Variants in KHDRBS2 observed in about 807,000 individuals in gnomAD.
The protein encoded by KHDRBS2 is KH domain-containing, RNA-binding, signal transduction-associated protein 2.
A neutral mutation model predicts 44.3 loss-of-function variants in KHDRBS2; 26 were observed. The observed-to-expected ratio is 0.59, with a 90% CI of 0.43 to 0.81. The LOEUF (loss-of-function observed/expected upper bound fraction) is 0.81. Among genes scored for constraint, KHDRBS2 ranks in the 40% least tolerant of loss-of-function variants. The pLI is 0.00. For synonymous variants in KHDRBS2, 194 were observed against 151.1 expected (o/e 1.28, Z -2.08); for missense variants, 476 against 433.1 (o/e 1.10, Z -0.88).
At chr6:61,754,565 C>CTT (rs201477122) in intron 6 of KHDRBS2, among the ~76,000 whole-genome samples, 39 of 133,204 alleles carry the variant, frequency 2.9e-4, no homozygotes, top group East Asian at 6.5e-4. Context: ...ATGTTTTATG[C>CTT]TTTTTTTTTT....
At chr6:62,192,490 C>A (rs916646605) in intron 1 of KHDRBS2, among the ~76,000 whole-genome samples, 2 of 152,098 alleles carry the variant, frequency 1.3e-5, no homozygotes, top group African/African-American at 4.8e-5. Flanking sequence ...AAATGGCATT[C>A]ACCATTTAGA....
At chr6:61,675,594 G>A (rs553322879), downstream of KHDRBS2, among the ~76,000 whole-genome samples, 1 of 151,624 alleles carries the variant, frequency 6.6e-6, no homozygotes, top group Non-Finnish European at 1.5e-5. Context: ...ATATTACATA[G>A]TGACCTCAGG....
chr6:61,901,536 T>C (rs1003775997), intron 4 of KHDRBS2, among the ~76,000 whole-genome samples, 165 bp from the exon 5 acceptor site: 3 of 152,174 alleles, frequency 2.0e-5, no homozygotes, highest in Admixed American at 6.5e-5. Context: ...AAAGTGTATA[T>C]ACTTTAAATT....
At chr6:62,259,785 T>C (rs1838031500) in intron 1 of KHDRBS2, among the ~76,000 whole-genome samples, 1 of 151,998 alleles carries the variant, frequency 6.6e-6, no homozygotes, top group Non-Finnish European at 1.5e-5. Flanking sequence ...CATTGCCACT[T>C]AGCCCTAAAA....
intron 3 of KHDRBS2, among the ~76,000 whole-genome samples, chr6:61,995,765 G>GA (rs71765103): frequency 2.0e-4 from 30 of 150,698 alleles, no homozygotes; most frequent in Middle Eastern, 3.4e-3. Flanking sequence ...ATGTTTCAGA[G>GA]AAAAAAAAAT....
the KHDRBS2 span, among the ~76,000 whole-genome samples, chr6:61,604,188 T>C: frequency 6.6e-6 from 1 of 152,184 alleles, no homozygotes; most frequent in African/African-American, 2.4e-5. Flanking sequence ...TACCTCACTA[T>C]ACAAGGGTCA....
intron 3 of KHDRBS2, among the ~76,000 whole-genome samples, chr6:61,981,450 TA>T (rs34415421): frequency 0.83 from 124,323 of 149,108 alleles, 52,024 homozygotes; most frequent in East Asian, 0.93. Flanking sequence ...TCCTCTCACT[TA>T]AAAAAAAAAA....
intron 2 of KHDRBS2, among the ~76,000 whole-genome samples, chr6:62,116,730 A>G (rs1320460430): frequency 6.6e-6 from 1 of 152,168 alleles, no homozygotes; most frequent in Admixed American, 6.5e-5. Context: ...ATATATATGT[A>G]TAAATGCCAG....
intron 6 of KHDRBS2, among the ~76,000 whole-genome samples, chr6:61,847,906 T>A: frequency 7.5e-6 from 1 of 132,948 alleles, no homozygotes; most frequent in Admixed American, 7.3e-5. Context: ...GACTTTAAAA[T>A]GATTTTTTCT....
intron 2 of KHDRBS2, among the ~76,000 whole-genome samples, chr6:62,165,665 G>A (rs1818535707): frequency 6.6e-6 from 1 of 151,724 alleles, no homozygotes. Context: ...AAAATAGACA[G>A]CATAAAATTT....
At chr6:62,109,670 A>G (rs1188447841) in intron 2 of KHDRBS2, among the ~76,000 whole-genome samples, 1 of 151,944 alleles carries the variant, frequency 6.6e-6, no homozygotes, top group African/African-American at 2.4e-5. Context: ...CAGTTACAAT[A>G]GCATCTAAAA....
At chr6:62,038,308 T>A (rs562435758) in intron 3 of KHDRBS2, among the ~76,000 whole-genome samples, 1 of 148,190 alleles carries the variant, frequency 6.7e-6, no homozygotes, top group Non-Finnish European at 1.5e-5. Context: ...TTCATTAGAT[T>A]GAGAAGCTGC....
At position 61,774,972 on chromosome 6, in the gene KHDRBS2, C is replaced by A. The variant is rs182070834; in HGVS notation, c.811-42208G>T. 9.9e-5 allele frequency among the ~76,000 whole-genome samples: 15 copies of A among 152,210 alleles called. No homozygotes were observed. The East Asian group carries it at 2.7e-3, about 27-fold the overall frequency. Reference sequence around the variant, plus strand: ...TCAAGTGGGCTTCAACCCCGGGATGCAAGGCTGGTTCAACATACACAAATC... The same window carrying A: ...TCAAGTGGGCTTCAACCCCGGGATGAAAGGCTGGTTCAACATACACAAATC... On this transcript the variant is annotated intron_variant, in intron 6 of 8. Coordinates refer to ENST00000281156, the MANE Select transcript of KHDRBS2 (RefSeq NM_152688.4).
At chr6:61,903,054 A>C (rs1030710613) in intron 4 of KHDRBS2, among the ~76,000 whole-genome samples, 3 of 152,220 alleles carry the variant, frequency 2.0e-5, no homozygotes, top group Non-Finnish European at 4.4e-5. Context: ...ATAGAGTAGA[A>C]AATTATAGTT....
the KHDRBS2 span, among the ~76,000 whole-genome samples, chr6:61,578,006 T>A: frequency 6.6e-6 from 1 of 152,066 alleles, no homozygotes; most frequent in Non-Finnish European, 1.5e-5. Flanking sequence ...TCTTCATTAA[T>A]AAAACTTCAC....
chr6:62,246,102 TTATATATATATATATATATATA>T (rs150717074), intron 1 of KHDRBS2, among the ~76,000 whole-genome samples: 1 of 124,338 alleles, frequency 8.0e-6, no homozygotes, highest in Non-Finnish European at 1.7e-5. Context: ...TCAATCAATT[TTATATATATATATATATATATA>T]TATATATATA....
At chr6:61,740,537 T>C (rs1357655385) in intron 6 of KHDRBS2, among the ~76,000 whole-genome samples, 4 of 151,970 alleles carry the variant, frequency 2.6e-5, no homozygotes, top group African/African-American at 9.7e-5. Flanking sequence ...ACCAGGGCTT[T>C]GTAGAGTAGG....
Position 62,065,011 on chromosome 6 carries a change from G to A in KHDRBS2, c.220-17017C>T, listed in dbSNP as rs569231268. On this transcript the variant is annotated intron_variant, in intron 2 of 8. Transcript: ENST00000281156. ...CTTCTCAAAAGAAGACATTTATGCA[G>A]CCAAAAAAACACATGAAAAAATGCT... Among the ~76,000 whole-genome samples the A allele has an allele frequency of 1.1e-4, 17 of 152,136 alleles. No homozygotes were observed. In the East Asian group the frequency reaches 3.3e-3, roughly 29 times the overall value.
chr6:61,767,426 T>C lies in KHDRBS2; in HGVS notation c.811-34662A>G, dbSNP rs1367125570. Reference sequence around the variant, plus strand: ...ATTTAATCCATTCTGCCACTCTATGTCTTTTGATTAGAGTTTAGTGTATTT... The same window carrying C: ...ATTTAATCCATTCTGCCACTCTATGCCTTTTGATTAGAGTTTAGTGTATTT... On this transcript the variant is annotated intron_variant, in intron 6 of 8. Coordinates refer to ENST00000281156, the MANE Select transcript of KHDRBS2 (RefSeq NM_152688.4). Among the ~76,000 whole-genome samples, 5 of 152,090 alleles carry C rather than the reference T, an allele frequency of 3.3e-5. No homozygotes were observed. The East Asian group carries it at 7.7e-4, about 23-fold the overall frequency.
Sources: allele counts gnomAD v4.1 joint callset (sites outside exome capture counted in the v4.1 genomes callset), GRCh38; gene constraint gnomAD v4.1.1; transcripts MANE v1.5; gene names NCBI Gene and HGNC (gene_info 2026-07-23, HGNC 2026-07-21).